The following AFAP1 variants were observed in gnomAD, a reference collection of about 807,000 sequenced individuals.
AFAP1 encodes the protein actin filament associated protein 1, also known as actin filament-associated protein 1.
A neutral mutation model predicts 93.9 loss-of-function variants in AFAP1; 75 were observed. That is an observed-to-expected ratio of 0.80 (90% CI 0.66 to 0.97). AFAP1 has a LOEUF of 0.97. Ranked by LOEUF, AFAP1 falls within the 50% of genes least tolerant of loss-of-function variation. The pLI, the probability that AFAP1 is intolerant of heterozygous loss-of-function variation, is 0.00. For synonymous variants in AFAP1, 517 were observed against 430.7 expected (o/e 1.20, Z -2.48); for missense variants, 1,201 against 1,050.8 (o/e 1.14, Z -1.98).
rs1324848159 is a variant in AFAP1, at chr4:7,848,253, G to GGGAA, written c.335-4907_335-4904dup. Among the ~76,000 whole-genome samples, 11 of 148,148 alleles carry GGGAA rather than the reference G, an allele frequency of 7.4e-5. No homozygotes were observed. The East Asian group carries it at 1.1e-3, about 14-fold the overall frequency. ...ACGGATGGAGGGAGGAAGGGAGGGA[G>GGGAA]GGAAGGAAGGGAGGTGATTTATTAG... On this transcript the variant is annotated intron_variant, in intron 4 of 17. Transcript: ENST00000420658.
At chr4:7,770,244 C>T (rs1357037064) in intron 16 of AFAP1, among the ~76,000 whole-genome samples, 1 of 152,052 alleles carries the variant, frequency 6.6e-6, no homozygotes, top group African/African-American at 2.4e-5. Flanking sequence ...CGGGGGGTGG[C>T]AAGGCAGGAG....
intron 1 of AFAP1, among the ~76,000 whole-genome samples, chr4:7,917,661 A>T (rs143627623): frequency 6.6e-6 from 1 of 152,270 alleles, no homozygotes; most frequent in East Asian, 1.9e-4. Context: ...CTCTCACTAC[A>T]ACTCAACACC....
intron 4 of AFAP1, among the ~76,000 whole-genome samples, chr4:7,844,490 T>C (rs182093270): frequency 6.6e-6 from 1 of 152,310 alleles, no homozygotes; most frequent in African/African-American, 2.4e-5. Context: ...CTAGGTCAAA[T>C]GCCCTTCCTC....
At chr4:7,858,941 C>T (rs531644678) in intron 3 of AFAP1, among the ~76,000 whole-genome samples, 4 of 152,320 alleles carry the variant, frequency 2.6e-5, no homozygotes, top group Admixed American at 6.5e-5. Context: ...AAAGGACGTG[C>T]GAATCTCTGG....
chr4:7,917,457 C>A (rs577284466), intron 1 of AFAP1, among the ~76,000 whole-genome samples: 2 of 152,172 alleles, frequency 1.3e-5, no homozygotes, highest in Admixed American at 1.3e-4. Flanking sequence ...AAAAGAAACA[C>A]ACTCACTTTC....
At chr4:7,913,067 C>G (rs1454072487) in intron 1 of AFAP1, among the ~76,000 whole-genome samples, 2 of 152,088 alleles carry the variant, frequency 1.3e-5, no homozygotes, top group African/African-American at 4.8e-5. Context: ...CCAGGCTGGT[C>G]TGCAACTCCT....
intron 1 of AFAP1, among the ~76,000 whole-genome samples, chr4:7,889,552 A>G (rs1718323376): frequency 6.8e-6 from 1 of 147,542 alleles, no homozygotes; most frequent in African/African-American, 2.4e-5. Flanking sequence ...CAAAAAAAAA[A>G]AAAAAAGAAA....
chr4:7,794,553 G>A (rs758649726), intron 10 of AFAP1, among the ~76,000 whole-genome samples: 20 of 151,722 alleles, frequency 1.3e-4, no homozygotes, highest in African/African-American at 2.9e-4. Context: ...ACAGGGTCTC[G>A]CTCTGTTACC....
At chr4:7,933,019 CAAAA>C (rs11369145) in intron 1 of AFAP1, among the ~76,000 whole-genome samples, 8 of 51,080 alleles carry the variant, frequency 1.6e-4, no homozygotes, top group Non-Finnish European at 2.3e-4. Flanking sequence ...GACTCCCTCT[CAAAA>C]AAAAAAAAAA....
chr4:7,908,502 GATTT>G (rs1419827939), intron 1 of AFAP1, among the ~76,000 whole-genome samples: 1 of 152,310 alleles, frequency 6.6e-6, no homozygotes, highest in African/African-American at 2.4e-5. Flanking sequence ...TGATTTAATT[GATTT>G]AATAAGTTTA....
intron 4 of AFAP1, among the ~76,000 whole-genome samples, chr4:7,854,904 A>G (rs111248017): frequency 0.044 from 6,731 of 152,308 alleles, 211 homozygotes; most frequent in Non-Finnish European, 0.067. Context: ...CTGGGTAGTA[A>G]CAAACAGGTA....
At chr4:7,828,981 C>A (rs1467858167) in intron 6 of AFAP1, among the ~76,000 whole-genome samples, 1 of 152,186 alleles carries the variant, frequency 6.6e-6, no homozygotes, top group Non-Finnish European at 1.5e-5. Context: ...GGGGCGGTTA[C>A]CTTCATGCTG....
At chr4:7,886,701 A>C (rs1003366764) in intron 1 of AFAP1, among the ~76,000 whole-genome samples, 2 of 150,452 alleles carry the variant, frequency 1.3e-5, no homozygotes, top group African/African-American at 5.0e-5. Flanking sequence ...GGCAAAAAAC[A>C]GGACCTAGAT....
chr4:7,907,299 A>G (rs1166300474), intron 1 of AFAP1, among the ~76,000 whole-genome samples: 7 of 152,182 alleles, frequency 4.6e-5, no homozygotes, highest in African/African-American at 1.4e-4. Flanking sequence ...ACTAAAGATG[A>G]CCTTTACCCA....
rs142819242 is a variant in AFAP1, at chr4:7,862,747, G to A, written c.225+5875C>T. 2.0e-4 allele frequency among the ~76,000 whole-genome samples: 30 copies of A among 152,280 alleles called. No individual in the cohort carries two copies. In the East Asian group the frequency reaches 5.2e-3, roughly 26 times the overall value. On this transcript the variant is annotated intron_variant, in intron 3 of 17. Transcript: ENST00000420658. ...TTGAAACATGATATAACCTCAGGCT[G>A]TCTACCAAATGAAAATATGTCCAGA...
intron 5 of AFAP1, chr4:7,842,658 C>T (rs1713188287): frequency 6.4e-6 from 1 of 156,736 alleles, no homozygotes; most frequent in South Asian, 1.8e-4. Flanking sequence ...CTGTTCCTTA[C>T]TTGTCTTCCT....
At chr4:7,824,424 T>TACACACACACACACAC (rs10660353) in intron 6 of AFAP1, among the ~76,000 whole-genome samples, 2 of 150,494 alleles carry the variant, frequency 1.3e-5, no homozygotes, top group African/African-American at 2.4e-5. Flanking sequence ...AGCATTTGTG[T>TACACACACACACACAC]ACACACACAC....
At chr4:7,811,952 C>T (rs1720084266) in intron 8 of AFAP1, among the ~76,000 whole-genome samples, 1 of 151,376 alleles carries the variant, frequency 6.6e-6, no homozygotes, top group African/African-American at 2.4e-5. Context: ...CCCCACCCCT[C>T]CTTCCACTCT....
intron 9 of AFAP1, 23 bp downstream of exon 9, chr4:7,809,591 G>C (rs764776986): frequency 1.8e-5 from 29 of 1,604,064 alleles, no homozygotes; most frequent in Middle Eastern, 1.7e-4. Context: ...CACGCTGCTC[G>C]TCTCCGGGAA....
Sources: allele counts gnomAD v4.1 joint callset (sites outside exome capture counted in the v4.1 genomes callset), GRCh38; gene constraint gnomAD v4.1.1; transcripts MANE v1.5; gene names NCBI Gene and HGNC (gene_info 2026-07-23, HGNC 2026-07-21).